PKNOX1: variants seen among roughly 807,000 people sequenced by gnomAD.
The protein encoded by PKNOX1 is PBX/knotted 1 homeobox 1.
PKNOX1 carries 15 observed loss-of-function variants against 51.9 expected under a neutral mutation model. The ratio of observed to expected loss-of-function variants is 0.29; its 90% CI spans 0.19 to 0.45. The LOEUF is 0.45. Ranked by LOEUF, PKNOX1 falls within the 20% of genes least tolerant of loss-of-function variation. The pLI is 1.00. For synonymous variants in PKNOX1, 219 were observed against 211.1 expected (o/e 1.04, Z -0.32); for missense variants, 462 against 547.5 (o/e 0.84, Z 1.56).
intron 1 of PKNOX1, chr21:43,003,809 G>A (rs1303952950): frequency 6.6e-6 from 1 of 152,554 alleles, no homozygotes; most frequent in Non-Finnish European, 1.5e-5. Flanking sequence ...AAATGTAATA[G>A]CAAGTCAGGG....
chr21:43,019,507 T>C (rs1672135), intron 7 of PKNOX1, among the ~76,000 whole-genome samples: 136,121 of 152,162 alleles, frequency 0.89, 61,010 homozygotes, highest in Non-Finnish European at 0.91. Context: ...TGTAGAATTC[T>C]GGGTTGAAAA....
chr21:42,976,103 G>A (rs148568620), intron 1 of PKNOX1, among the ~76,000 whole-genome samples: 1 of 152,298 alleles, frequency 6.6e-6, no homozygotes, highest in African/African-American at 2.4e-5. Flanking sequence ...GCGTACCTCA[G>A]ATAATTCGAG....
At chr21:42,993,577 C>G (rs926512285) in intron 1 of PKNOX1, among the ~76,000 whole-genome samples, 1 of 150,810 alleles carries the variant, frequency 6.6e-6, no homozygotes, top group Non-Finnish European at 1.5e-5. Flanking sequence ...TTTAAAAAGC[C>G]CTGGCAAGTC....
At chr21:43,014,657 C>T (rs979068118) in intron 5 of PKNOX1, among the ~76,000 whole-genome samples, 5 of 152,154 alleles carry the variant, frequency 3.3e-5, no homozygotes, top group African/African-American at 1.2e-4. Flanking sequence ...CTATGTTGCC[C>T]AGGCTTGTCC....
chr21:42,980,452 C>T (rs750278653), intron 1 of PKNOX1, among the ~76,000 whole-genome samples: 1 of 152,058 alleles, frequency 6.6e-6, no homozygotes, highest in Non-Finnish European at 1.5e-5. Context: ...ATCCTATTTG[C>T]GGCTTACACT....
intron 1 of PKNOX1, among the ~76,000 whole-genome samples, chr21:42,988,940 TG>T (rs1423750872): frequency 2.7e-5 from 4 of 148,280 alleles, no homozygotes. Flanking sequence ...CTTCTCAGGC[TG>T]GGGACCCTGC....
At position 43,021,583 on chromosome 21, in the gene PKNOX1, T is replaced by TG; in HGVS notation, c.849+156dup. ...TGGCATGTCCATAATGTGGGGAGCG[T>TG]GGGGCACTGCTGCAGGGAACTTGAA... On this transcript the variant is annotated intron_variant, in intron 8 of 10. Coordinates refer to ENST00000291547, the MANE Select transcript of PKNOX1 (RefSeq NM_004571.5). This position sits in a 1 kb window ranked among gnomAD's most constrained non-coding sequence, Gnocchi z 4.6. 1 of 932,308 alleles carries TG rather than the reference T, an allele frequency of 1.1e-6. No individual in the cohort carries two copies. Among genetic ancestry groups the TG allele is most frequent in the Non-Finnish European group, 1.6e-6 (1 of 644,096 alleles). The allele number at this position is 932,308 out of a possible 1,614,324, so 57.8% of individuals were successfully genotyped here.
chr21:42,989,786 C>T (rs546918015), intron 1 of PKNOX1, among the ~76,000 whole-genome samples: 78 of 152,244 alleles, frequency 5.1e-4, no homozygotes, highest in Admixed American at 1.0e-3. Flanking sequence ...GGGATATTAA[C>T]ATATCATTTA....
At chr21:43,028,422 C>G (rs1980075475) in intron 9 of PKNOX1, among the ~76,000 whole-genome samples, 1 of 146,688 alleles carries the variant, frequency 6.8e-6, no homozygotes, top group South Asian at 2.2e-4. Flanking sequence ...GTATCTAGTT[C>G]ACAAACATGC....
At position 43,019,421 on chromosome 21, in the gene PKNOX1, A is replaced by C. The variant is rs564263286; in HGVS notation, c.720+1191A>C. Among the ~76,000 whole-genome samples the C allele has an allele frequency of 5.8e-5, 8 of 138,414 alleles. No homozygotes were observed. The South Asian group carries it at 6.7e-4, about 12-fold the overall frequency. The allele number at this position is 138,414 out of a possible 152,430, so 90.8% of individuals were successfully genotyped here. ...AAAATAAAATAAACAAAAAAAAAAC[A>C]CACATTTTTTTGAGACTTTGCAAAC... On this transcript the variant is annotated intron_variant, in intron 7 of 10. Coordinates refer to ENST00000291547, the MANE Select transcript of PKNOX1 (RefSeq NM_004571.5).
chr21:43,009,820 G>A lies in PKNOX1; in HGVS notation c.180-233G>A, dbSNP rs1330524049. On this transcript the variant is annotated intron_variant, in intron 3 of 10. Coordinates refer to ENST00000291547, the MANE Select transcript of PKNOX1 (RefSeq NM_004571.5). The stretch of plus-strand genomic sequence containing the variant: ...GTCTGGGAAAAAATGGAGAATGACT[G>A]CTATTGGATACAGGGTTTCTTTGCG... Among the ~76,000 whole-genome samples, 6 of 152,100 alleles carry A rather than the reference G, an allele frequency of 3.9e-5. No individual in the cohort carries two copies. The South Asian group carries it at 8.3e-4, about 21-fold the overall frequency.
intron 1 of PKNOX1, among the ~76,000 whole-genome samples, chr21:42,997,030 G>A (rs578181942): frequency 6.6e-6 from 1 of 152,120 alleles, no homozygotes; most frequent in South Asian, 2.1e-4. Context: ...ATAGGCATGT[G>A]CCACCATGCC....
In PKNOX1 at chr21:43,008,061, T is replaced by TCTCTCACACACACACACACACA. The variant is rs59792199; in HGVS notation, c.179+444_179+445insTCTCACACACACACACACACAC. Among the ~76,000 whole-genome samples the TCTCTCACACACACACACACACA allele has an allele frequency of 5.0e-3, 731 of 146,842 alleles. 2 individuals carry two copies. Among genetic ancestry groups the TCTCTCACACACACACACACACA allele is most frequent in the Non-Finnish European group, 7.1e-3 (474 of 67,192 alleles). ...CCTGGGCAACGAGAGCAAAACTCTG[T>TCTCTCACACACACACACACACA]CACACACACACACACACACACACAC... On this transcript the variant is annotated intron_variant, in intron 3 of 10. Transcript: ENST00000291547.
intron 3 of PKNOX1, among the ~76,000 whole-genome samples, chr21:43,008,237 G>A (rs170918): frequency 0.21 from 32,006 of 152,086 alleles, 3,711 homozygotes; most frequent in Non-Finnish European, 0.25. Flanking sequence ...AGAGCAGCAA[G>A]TCTGCATAGT....
intron 7 of PKNOX1, chr21:43,020,655 C>G (rs114123797): frequency 0.014 from 2,162 of 152,846 alleles, 58 homozygotes; most frequent in African/African-American, 0.05. Flanking sequence ...GTTTCTTTCC[C>G]CTCTGCTCCC....
At chr21:42,981,278 G>T (rs1291732231) in intron 1 of PKNOX1, among the ~76,000 whole-genome samples, 2 of 152,264 alleles carry the variant, frequency 1.3e-5, no homozygotes, top group African/African-American at 4.8e-5. Context: ...AGCAGGCCTG[G>T]TGCTGGCGGT....
intron 1 of PKNOX1, among the ~76,000 whole-genome samples, chr21:42,993,268 ATTC>A (rs2059098179): frequency 6.6e-6 from 1 of 152,086 alleles, no homozygotes; most frequent in Non-Finnish European, 1.5e-5. Flanking sequence ...ACGAAGCTCC[ATTC>A]TTCTCCTGAC....
chr21:42,979,590 G>T (rs4920024), intron 1 of PKNOX1, among the ~76,000 whole-genome samples: 1 of 152,076 alleles, frequency 6.6e-6, no homozygotes, highest in African/African-American at 2.4e-5. Context: ...AATATACAAA[G>T]AATTAGCTGG....
At chr21:42,975,227 G>A (rs1471016942) in intron 1 of PKNOX1, among the ~76,000 whole-genome samples, 4 of 149,546 alleles carry the variant, frequency 2.7e-5, no homozygotes, top group African/African-American at 9.7e-5. Context: ...GGCGCAGGCG[G>A]GAAGATGGCG....
Sources: gnomAD v4.1 joint callset for allele counts (sites outside exome capture counted in the v4.1 genomes callset) on GRCh38, gnomAD v4.1.1 for gene constraint, Gnocchi (gnomAD v3.1) non-coding constraint, MANE v1.5 for transcripts, NCBI Gene and HGNC (gene_info 2026-07-23, HGNC 2026-07-21) for gene names.